ZNF599: variants seen among roughly 807,000 people sequenced by gnomAD.
ZNF599 encodes zinc finger protein 599.
In ZNF599, 10 loss-of-function variants were observed where a neutral mutation model predicts 11.7. That is an observed-to-expected ratio of 0.86 (90% CI 0.53 to 1.45). ZNF599 has a LOEUF of 1.45. Ranked by LOEUF, ZNF599 falls within the 40% of genes most tolerant of loss-of-function variation. The pLI is 0.00. For synonymous variants in ZNF599, 232 were observed against 253.2 expected, an observed-to-expected ratio of 0.92 and a Z score of 0.79; for missense variants, 688 against 713.6, an observed-to-expected ratio of 0.96 and a Z score of 0.41.
At chr19:34,765,166 G>A (rs1387554852) in intron 3 of ZNF599, 1 of 163,500 alleles carries the variant, frequency 6.1e-6, no homozygotes, top group African/African-American at 2.4e-5. Context: ...CCCTGATGCA[G>A]CTGAGAGATT....
At chr19:34,806,502 C>T in the ZNF599 span, among the ~76,000 whole-genome samples, 1 of 152,196 alleles carries the variant, frequency 6.6e-6, no homozygotes, top group African/African-American at 2.4e-5. Context: ...AATTTGTTAA[C>T]TAGCAAAATT....
At chr19:34,775,556 G>T (rs2069214267), upstream of ZNF599, among the ~76,000 whole-genome samples, 1 of 152,228 alleles carries the variant, frequency 6.6e-6, no homozygotes, top group Non-Finnish European at 1.5e-5. Flanking sequence ...GTGATGAAAT[G>T]TTTTAAGAAT....
chr19:34,763,823 C>T (rs896608028), intron 3 of ZNF599: 1 of 152,306 alleles, frequency 6.6e-6, no homozygotes, highest in East Asian at 1.9e-4. Context: ...GGGGCTCACA[C>T]CTGTAATCCC....
rs779377682 is a variant in ZNF599, at chr19:34,759,079, G to A, written c.1722C>T (p.His574=). 25 of 1,613,622 alleles carry A rather than the reference G, an allele frequency of 1.5e-5. No individual in the cohort carries two copies. Among genetic ancestry groups the A allele is most frequent in the Non-Finnish European group, 2.1e-5 (25 of 1,179,656 alleles). ...ECNECGKTFS[H]SSSFTHHRKI... ...TTCGATGGTGAGTGAACGATGAACT[G>A]TGGCTGAAGGTCTTTCCACATTCAT... The change falls in exon 4 of 4, where the codon CAC becomes CAT. Residue 574 remains histidine, a synonymous_variant. Coordinates refer to ENST00000329285, the MANE Select transcript of ZNF599 (RefSeq NM_001007248.3).
intron 3 of ZNF599, chr19:34,764,086 AAAAC>A (rs2069128136): frequency 6.6e-6 from 1 of 152,252 alleles, no homozygotes; most frequent in African/African-American, 2.4e-5. Context: ...TGTCTCAAAA[AAAAC>A]CCAAAAACCA....
Position 34,759,744 on chromosome 19 carries a change from T to C in ZNF599, c.1057A>G (p.Thr353Ala), listed in dbSNP as rs747358506. The change falls in exon 4 of 4, where the codon ACA becomes GCA. Residue 353 changes from threonine (T) to alanine (A), a missense_variant. Coordinates refer to ENST00000329285, the MANE Select transcript of ZNF599 (RefSeq NM_001007248.3). ...ECGKAFTHRSTFIQHNVTHTG... is the reference protein window; with the variant it reads ...ECGKAFTHRSAFIQHNVTHTG... ...TGGGTCACATTGTGCTGGATAAATGTGGAGCGGTGCGTGAAGGCCTTTCCA... is the reference window on the plus strand; with the variant it reads ...TGGGTCACATTGTGCTGGATAAATGCGGAGCGGTGCGTGAAGGCCTTTCCA... 1.1e-5 allele frequency: 18 copies of C among 1,614,006 alleles called. No individual in the cohort carries two copies. Among genetic ancestry groups the C allele is most frequent in the East Asian group, 2.2e-5 (1 of 44,880 alleles).
At chr19:34,764,127 A>G (rs1199684780) in intron 3 of ZNF599, 9 of 152,190 alleles carry the variant, frequency 5.9e-5, no homozygotes, top group African/African-American at 1.9e-4. Context: ...TGTGACAAAG[A>G]ATAAATGTTT....
At chr19:34,766,314 G>A (rs2069142701) in intron 3 of ZNF599, among the ~76,000 whole-genome samples, 1 of 152,164 alleles carries the variant, frequency 6.6e-6, no homozygotes, top group Non-Finnish European at 1.5e-5. Flanking sequence ...TAGAAGACAG[G>A]AGGGCCAGAA....
intron 3 of ZNF599, among the ~76,000 whole-genome samples, chr19:34,765,890 T>C (rs539686142): frequency 6.6e-6 from 1 of 152,112 alleles, no homozygotes; most frequent in African/African-American, 2.4e-5. Flanking sequence ...TGGCCTAGAG[T>C]ACTAATGCTG....
At chr19:34,774,152 C>G (rs2069204969), upstream of ZNF599, among the ~76,000 whole-genome samples, 1 of 152,122 alleles carries the variant, frequency 6.6e-6, no homozygotes, top group African/African-American at 2.4e-5. Context: ...TTACATGATT[C>G]AAAACTTAGG....
the ZNF599 span, among the ~76,000 whole-genome samples, chr19:34,807,255 A>G: frequency 2.0e-5 from 3 of 152,114 alleles, no homozygotes; most frequent in Non-Finnish European, 2.9e-5. Context: ...GGTTCCCACA[A>G]TGTGGGGCTT....
rs1171257288 is a variant in ZNF599, at chr19:34,759,781, C to G, written c.1020G>C (p.Glu340Asp). Residue 340 changes from glutamate to aspartate, a missense_variant, in exon 4 of 4, where the codon GAG becomes GAC. By Grantham distance (45) the Glu-to-Asp change is conservative. Coordinates refer to ENST00000329285, the MANE Select transcript of ZNF599 (RefSeq NM_001007248.3). The stretch of plus-strand genomic sequence containing the variant: ...TGAAGGCCTTTCCACATTCACCGCA[C>G]TCATAGAGTTTCTTTCCAGTATGAA... The part of the protein sequence containing the change: ...MRIHTGKKLY[E>D]CGECGKAFTH... 1 of 1,614,124 alleles carries G rather than the reference C, an allele frequency of 6.2e-7. No individual in the cohort carries two copies. The highest frequency in any genetic ancestry group is 8.5e-7 in the Non-Finnish European group (1 of 1,180,012).
chr19:34,760,672 G>A, intron 3 of ZNF599, 113 bp from the exon 4 acceptor site: 1 of 937,904 alleles, frequency 1.1e-6, no homozygotes, highest in East Asian at 2.6e-5. Context: ...GATGCCTACT[G>A]CATTTTTACA....
At position 34,759,073 on chromosome 19, in the gene ZNF599, T is replaced by C; in HGVS notation, c.1728A>G (p.Ser576=). ...GAATCTTTCGATGGTGAGTGAACGATGAACTGTGGCTGAAGGTCTTTCCAC... is the reference window on the plus strand; with the variant it reads ...GAATCTTTCGATGGTGAGTGAACGACGAACTGTGGCTGAAGGTCTTTCCAC... The part of the protein sequence containing the change: ...NECGKTFSHS[S]SFTHHRKIHT... The change falls in exon 4 of 4, where the codon TCA becomes TCG. Residue 576 remains serine, a synonymous_variant. Coordinates refer to ENST00000329285, the MANE Select transcript of ZNF599 (RefSeq NM_001007248.3). The C allele has an allele frequency of 1.2e-6, 2 of 1,613,638 alleles. No individual in the cohort carries two copies. The highest frequency in any genetic ancestry group is 3.3e-4 in the Middle Eastern group (2 of 6,062).
the ZNF599 span, among the ~76,000 whole-genome samples, chr19:34,806,040 G>A: frequency 6.6e-6 from 1 of 152,180 alleles, no homozygotes; most frequent in Non-Finnish European, 1.5e-5. Flanking sequence ...CACACAGGCT[G>A]AGTCCCAAGG....
At chr19:34,786,037 GA>G in the ZNF599 span, among the ~76,000 whole-genome samples, 3 of 152,042 alleles carry the variant, frequency 2.0e-5, no homozygotes, top group East Asian at 5.8e-4. Context: ...CCCATTTCAG[GA>G]GGATCATAGC....
intron 3 of ZNF599, chr19:34,765,339 A>G: frequency 1.9e-6 from 1 of 536,320 alleles, no homozygotes; most frequent in South Asian, 2.7e-5. Flanking sequence ...AGACTGGAAC[A>G]TCCGTCTTGC....
chr19:34,763,303 G>A (rs1229299318), intron 3 of ZNF599: 1 of 152,216 alleles, frequency 6.6e-6, no homozygotes, highest in African/African-American at 2.4e-5. Flanking sequence ...GACTAATGAT[G>A]ACAATGTGTC....
At chr19:34,777,386 T>C (rs1186848267), upstream of ZNF599, among the ~76,000 whole-genome samples, 3 of 87,136 alleles carry the variant, frequency 3.4e-5, no homozygotes, top group Non-Finnish European at 6.2e-5. Context: ...ATATATTAAT[T>C]AATATATAAT....
Sources: allele counts gnomAD v4.1 joint callset (sites outside exome capture counted in the v4.1 genomes callset), GRCh38; gene constraint gnomAD v4.1.1; transcripts MANE v1.5; gene names NCBI Gene and HGNC (gene_info 2026-07-23, HGNC 2026-07-21).